The following MED13L variants were observed in gnomAD, a reference collection of about 807,000 sequenced individuals.
MED13L encodes the protein mediator of RNA polymerase II transcription subunit 13-like.
A neutral mutation model predicts 220.9 loss-of-function variants in MED13L; 7 were observed. That is an observed-to-expected ratio of 0.03 (90% confidence interval 0.02 to 0.06). The LOEUF is 0.06. MED13L is among the 10% of genes least tolerant of loss of function. The pLI, the probability that MED13L is intolerant of heterozygous loss-of-function variation, is 1.00. For missense variants in MED13L, 1,965 were observed against 2,760.5 expected (o/e 0.71, Z 6.46); for synonymous variants, 1,011 against 1,015.2 (o/e 1.00, Z 0.08).
At chr12:116,119,809 TAAAAAAAAAAAA>T (rs57622950) in intron 2 of MED13L, among the ~76,000 whole-genome samples, 804 of 38,814 alleles carry the variant, frequency 0.021, 12 homozygotes, top group Non-Finnish European at 0.028. Flanking sequence ...CCCATATCTT[TAAAAAAAAAAAA>T]AAAAAAAAAA....
At chr12:116,121,612 AC>A (rs1593068558) in intron 2 of MED13L, among the ~76,000 whole-genome samples, 2 of 152,176 alleles carry the variant, frequency 1.3e-5, no homozygotes, top group East Asian at 3.9e-4. Flanking sequence ...AATTCAGGTC[AC>A]CCAGCCTTAC....
chr12:116,056,094 A>G (rs1194439969), intron 4 of MED13L, among the ~76,000 whole-genome samples: 5 of 152,118 alleles, frequency 3.3e-5, no homozygotes, highest in Non-Finnish European at 5.9e-5. Context: ...GCCCAAAGGT[A>G]AGTTTGTTAG....
intron 2 of MED13L, among the ~76,000 whole-genome samples, chr12:116,202,280 T>C (rs1353979862): frequency 1.3e-5 from 2 of 152,196 alleles, no homozygotes; most frequent in Non-Finnish European, 2.9e-5. Context: ...AAGGCTGTGT[T>C]CAGAAAGTTT....
At chr12:116,042,309 G>A (rs940534097) in intron 4 of MED13L, among the ~76,000 whole-genome samples, 11 of 152,234 alleles carry the variant, frequency 7.2e-5, no homozygotes, top group African/African-American at 2.7e-4. Flanking sequence ...AAAGTGTAAT[G>A]AAGGAAACTT....
At chr12:116,242,980 T>C (rs1435603443) in intron 1 of MED13L, among the ~76,000 whole-genome samples, 2 of 152,230 alleles carry the variant, frequency 1.3e-5, no homozygotes, top group Non-Finnish European at 2.9e-5. Context: ...ACTTTCTAAT[T>C]TAAGAAAGTT....
In MED13L at chr12:115,980,735, C is replaced by T; in HGVS notation, c.5364+15G>A. 1 of 1,613,674 alleles carries T rather than the reference C, an allele frequency of 6.2e-7. No homozygotes were observed. Among genetic ancestry groups the T allele is most frequent in the South Asian group, 1.1e-5 (1 of 91,078 alleles). On this transcript the variant is annotated intron_variant, in intron 23 of 30. Transcript: ENST00000281928. Reference sequence around the variant, plus strand: ...TAGTATAAATTTTCTAAGTTTCTGTCCTGCCAATACCTACCTCAGGGTTCT... The same window carrying T: ...TAGTATAAATTTTCTAAGTTTCTGTTCTGCCAATACCTACCTCAGGGTTCT...
chr12:116,022,323 C>G, intron 5 of MED13L, 133 bp downstream of exon 5: 1 of 1,089,280 alleles, frequency 9.2e-7, no homozygotes, highest in Non-Finnish European at 1.4e-6. Context: ...CTTCCTTCTT[C>G]AAAATCTGAC....
chr12:116,130,052 A>G (rs995889998), intron 2 of MED13L, among the ~76,000 whole-genome samples: 3 of 152,250 alleles, frequency 2.0e-5, no homozygotes, highest in East Asian at 3.8e-4. Context: ...CAGAGGCTCT[A>G]TAACAGACCC....
chr12:116,253,404 A>G (rs1344995348), intron 1 of MED13L, among the ~76,000 whole-genome samples: 1 of 152,134 alleles, frequency 6.6e-6, no homozygotes, highest in Admixed American at 6.5e-5. Flanking sequence ...AGTCCTGCAC[A>G]AACTCTTTCA....
intron 3 of MED13L, among the ~76,000 whole-genome samples, chr12:116,105,957 A>T (rs958790198): frequency 2.0e-5 from 3 of 152,202 alleles, no homozygotes; most frequent in African/African-American, 7.2e-5. Flanking sequence ...CAAAAGCATT[A>T]ATGAGCGACC....
At position 115,991,356 on chromosome 12, in the gene MED13L, G is replaced by A. The variant is rs753317259; in HGVS notation, c.3598C>T (p.Arg1200Cys). 22 of 1,613,804 alleles carry A rather than the reference G, an allele frequency of 1.4e-5. No individual in the cohort carries two copies. The highest frequency in any genetic ancestry group is 4.5e-5 in the East Asian group (2 of 44,882). ...NSDIGQAAER[R>C]LMMCQSTFLP... ...AAGGTGGACTGACACATCATTAAGC[G>A]CCTCTCTGCAGCCTGACCAATATCA... is the stretch of plus-strand genomic sequence containing the variant. Residue 1200 changes from arginine (R) to cysteine (C), a missense_variant, in exon 17 of 31, where the codon CGC (arginine) becomes TGC (cysteine). Around this residue, in one of 10 missense-constraint regions of MED13L, gnomAD observed 165 missense variants for 190.8 expected, o/e 0.86. Transcript: ENST00000281928. The surrounding 1 kb of genome is among the most constrained non-coding windows in gnomAD (Gnocchi z 7.7).
At chr12:116,007,146 G>C in intron 11 of MED13L, 1 of 489,220 alleles carries the variant, frequency 2.0e-6, no homozygotes, top group Non-Finnish European at 3.7e-6. Flanking sequence ...ATTAGCATAT[G>C]AGAGAAAACA....
rs1393184713 is a variant in MED13L at position 115,982,421 on chromosome 12, T to C, written c.5138A>G (p.Asn1713Ser). 1.2e-6 allele frequency: 2 copies of C among 1,614,012 alleles called. No homozygotes were observed. Among genetic ancestry groups the C allele is most frequent in the Non-Finnish European group, 1.7e-6 (2 of 1,179,980 alleles). The stretch of plus-strand genomic sequence containing the variant: ...AGAATTTCTCATATGCTCAGGTAAA[T>C]TATCCAGCATTTCTGTGTAGCAGCG... ...LMRCYTEMLD[N>S]LPEHMRNSFI... is the part of the protein sequence containing the mutation. Residue 1713 changes from asparagine (N) to serine (S), a missense_variant, in exon 22 of 31, where the codon AAT becomes AGT. Transcript: ENST00000281928.
At chr12:116,031,463 G>A (rs1880730689) in intron 4 of MED13L, among the ~76,000 whole-genome samples, 1 of 151,078 alleles carries the variant, frequency 6.6e-6, no homozygotes, top group Admixed American at 6.6e-5. Flanking sequence ...ATGGTGGCGG[G>A]CGCCTGTGGT....
chr12:116,172,460 A>T (rs931505049), intron 2 of MED13L, among the ~76,000 whole-genome samples: 1 of 152,110 alleles, frequency 6.6e-6, no homozygotes, highest in African/African-American at 2.4e-5. Context: ...TCCAGGTTTC[A>T]CTCTCTAGAA....
intron 2 of MED13L, among the ~76,000 whole-genome samples, chr12:116,154,304 G>A (rs1878270137): frequency 6.6e-6 from 1 of 152,124 alleles, no homozygotes; most frequent in Non-Finnish European, 1.5e-5. Flanking sequence ...GAACAACACT[G>A]CTTCTCTTGA....
chr12:115,961,248 G>A lies in MED13L; in HGVS notation c.*18C>T. On this transcript the variant is annotated 3_prime_UTR_variant, in exon 31 of 31. Transcript: ENST00000281928. Reference sequence around the variant, plus strand: ...CAGGGAGAAGGAACTGAGCCAGAGAGAACAAGTGCTTTTCCAATTAAAGTA... The same window carrying A: ...CAGGGAGAAGGAACTGAGCCAGAGAAAACAAGTGCTTTTCCAATTAAAGTA... 1 of 1,614,076 alleles carries A rather than the reference G, an allele frequency of 6.2e-7. No individual in the cohort carries two copies. Among genetic ancestry groups the A allele is most frequent in the Admixed American group, 1.7e-5 (1 of 60,030 alleles).
At chr12:116,250,988 G>A (rs1469738909) in intron 1 of MED13L, among the ~76,000 whole-genome samples, 1 of 151,560 alleles carries the variant, frequency 6.6e-6, no homozygotes, top group Non-Finnish European at 1.5e-5. Context: ...TTATTTGAAG[G>A]TAAGCTGTGG....
At chr12:116,104,613 T>G (rs1378175499) in intron 3 of MED13L, among the ~76,000 whole-genome samples, 2 of 152,170 alleles carry the variant, frequency 1.3e-5, no homozygotes, top group African/African-American at 4.8e-5. Flanking sequence ...AGCCATTATG[T>G]TTTACAAATG....
Sources: allele counts gnomAD v4.1 joint callset (sites outside exome capture counted in the v4.1 genomes callset), GRCh38; gene constraint gnomAD v4.1.1; regional missense constraint gnomAD v4.1.1; non-coding constraint Gnocchi (gnomAD v3.1); transcripts MANE v1.5; gene names NCBI Gene and HGNC (gene_info 2026-07-23, HGNC 2026-07-21).